Variants in FOXJ3 observed in about 807,000 individuals in gnomAD.
FOXJ3 encodes forkhead box protein J3.
In FOXJ3, 22 loss-of-function variants were observed where a neutral mutation model predicts 76.1. That is an observed-to-expected ratio of 0.29 (90% CI 0.21 to 0.41). FOXJ3 has a LOEUF of 0.41. FOXJ3 is among the 10% of genes least tolerant of loss of function. FOXJ3 has a pLI of 1.00. For synonymous variants in FOXJ3, 269 were observed against 261.2 expected, an observed-to-expected ratio of 1.03 and a Z score of -0.29; for missense variants, 613 against 762.1, an observed-to-expected ratio of 0.80 and a Z score of 2.30.
intron 1 of FOXJ3, 102 bp from the exon 2 acceptor site, chr1:42,311,212 ATG>A: frequency 2.8e-6 from 2 of 725,406 alleles, no homozygotes; most frequent in Non-Finnish European, 4.5e-6. Context: ...CAGAAGTAGA[ATG>A]TTCTACTAAA....
intron 4 of FOXJ3, among the ~76,000 whole-genome samples, chr1:42,231,652 C>A (rs1254091326): frequency 3.3e-5 from 5 of 152,064 alleles, no homozygotes; most frequent in Non-Finnish European, 7.4e-5. Flanking sequence ...ATTTTACCAC[C>A]AAAAAGTACC....
intron 4 of FOXJ3, among the ~76,000 whole-genome samples, chr1:42,236,594 A>G (rs1648653434): frequency 1.3e-5 from 2 of 152,238 alleles, no homozygotes; most frequent in African/African-American, 4.8e-5. Flanking sequence ...ACAACTGTAT[A>G]CCTTCATGTA....
chr1:42,212,889 C>G (rs1412332543), intron 5 of FOXJ3, among the ~76,000 whole-genome samples: 1 of 148,094 alleles, frequency 6.8e-6, no homozygotes, highest in Non-Finnish European at 1.5e-5. Flanking sequence ...ACCTTACAAG[C>G]CAGAGGGCTT....
At chr1:42,263,728 G>T (rs531871186) in intron 4 of FOXJ3, among the ~76,000 whole-genome samples, 3 of 151,770 alleles carry the variant, frequency 2.0e-5, no homozygotes, top group Non-Finnish European at 4.4e-5. Flanking sequence ...CTAACTTCAA[G>T]AAGTTAACAG....
intron 1 of FOXJ3, among the ~76,000 whole-genome samples, chr1:42,314,831 A>G (rs1655014830): frequency 6.6e-6 from 1 of 152,244 alleles, no homozygotes; most frequent in Non-Finnish European, 1.5e-5. Context: ...GAGAATTTAA[A>G]TGTTCCTACA....
chr1:42,231,033 G>C (rs1648048357), intron 4 of FOXJ3, among the ~76,000 whole-genome samples: 1 of 152,100 alleles, frequency 6.6e-6, no homozygotes, highest in Admixed American at 6.5e-5. Context: ...GGGATATTCT[G>C]GCCAGGCGCC....
chr1:42,296,720 T>C (rs1167550426), intron 2 of FOXJ3, among the ~76,000 whole-genome samples: 2 of 152,240 alleles, frequency 1.3e-5, no homozygotes, highest in Non-Finnish European at 2.9e-5. Context: ...CCTTGTAGTA[T>C]AATTTGAAGT....
rs145988046 is a variant in FOXJ3 at position 42,307,798 on chromosome 1, T to C, written c.44+3252A>G. On this transcript the variant is annotated intron_variant, in intron 2 of 12. Coordinates refer to ENST00000361346, the MANE Select transcript of FOXJ3 (RefSeq NM_014947.5). ...CTTTTTCTAATTCACATATAATATC[T>C]ACTGGTATAAAAAAGGCAAGTTCTG... Among the ~76,000 whole-genome samples, 434 of 152,324 alleles carry C rather than the reference T, an allele frequency of 2.8e-3. 6 individuals carry two copies. Among genetic ancestry groups the C allele is most frequent in the East Asian group, 8.7e-3 (45 of 5,186 alleles).
chr1:42,207,997 G>A (rs1046902375), intron 5 of FOXJ3, among the ~76,000 whole-genome samples: 1 of 152,198 alleles, frequency 6.6e-6, no homozygotes, highest in African/African-American at 2.4e-5. Context: ...ATCTCAGTCT[G>A]AACTATTGGT....
At chr1:42,200,786 A>C (rs1476380408) in intron 6 of FOXJ3, among the ~76,000 whole-genome samples, 16 of 152,106 alleles carry the variant, frequency 1.1e-4, no homozygotes, top group African/African-American at 4.8e-5. Flanking sequence ...CCTGGCCTTC[A>C]ATATTTCCTT....
chr1:42,278,736 A>G (rs1241343003), intron 2 of FOXJ3, 64 bp from the exon 3 acceptor site: 2 of 1,186,074 alleles, frequency 1.7e-6, no homozygotes, highest in East Asian at 2.3e-5. Context: ...AAAATATCCA[A>G]TATTCACAAA....
intron 5 of FOXJ3, among the ~76,000 whole-genome samples, chr1:42,221,895 T>G (rs1184220943): frequency 7.4e-6 from 1 of 135,676 alleles, no homozygotes; most frequent in Non-Finnish European, 1.6e-5. Context: ...AGAGAACTGC[T>G]TGAGCCCAGG....
intron 2 of FOXJ3, among the ~76,000 whole-genome samples, chr1:42,301,408 G>A (rs1384247240): frequency 6.6e-6 from 1 of 151,906 alleles, no homozygotes; most frequent in Non-Finnish European, 1.5e-5. Flanking sequence ...CACCATGTTG[G>A]CCAGGCTGGT....
rs1338446620 is a variant in FOXJ3 at position 42,191,442 on chromosome 1, T to C, written c.1212A>G (p.Pro404=). 1.9e-6 allele frequency: 3 copies of C among 1,612,974 alleles called. No homozygotes were observed. The highest frequency in any genetic ancestry group is 2.5e-6 in the Non-Finnish European group (3 of 1,179,296). The part of the protein sequence containing the change: ...PQRSPHPAPH[P]QQHSQLQSPH... ...GGGACTGGAGCTGGCTGTGTTGCTG[T>C]GGGTGTGGTGCTGGGTGTGGGGAAC... Residue 404 remains proline (P), a synonymous_variant, in exon 9 of 13, where the codon CCA becomes CCG. Coordinates refer to ENST00000361346, the MANE Select transcript of FOXJ3 (RefSeq NM_014947.5).
chr1:42,254,795 C>G (rs958923554), intron 4 of FOXJ3, among the ~76,000 whole-genome samples: 4 of 142,106 alleles, frequency 2.8e-5, no homozygotes, highest in African/African-American at 8.3e-5. Context: ...AGGGGAACAT[C>G]ACACTCTGGG....
intron 4 of FOXJ3, among the ~76,000 whole-genome samples, chr1:42,237,254 A>G (rs1361247320): frequency 6.6e-6 from 1 of 151,926 alleles, no homozygotes; most frequent in Non-Finnish European, 1.5e-5. Context: ...AGGCACCTGT[A>G]GTCCCAGCTA....
At chr1:42,223,576 G>A (rs954257061) in intron 5 of FOXJ3, among the ~76,000 whole-genome samples, 2 of 152,068 alleles carry the variant, frequency 1.3e-5, no homozygotes, top group African/African-American at 4.8e-5. Flanking sequence ...CTCCACTTTC[G>A]CACCAAAATT....
At chr1:42,224,085 C>T (rs1211359733) in intron 5 of FOXJ3, among the ~76,000 whole-genome samples, 1 of 152,178 alleles carries the variant, frequency 6.6e-6, no homozygotes, top group Non-Finnish European at 1.5e-5. Flanking sequence ...TAGCCTCTTA[C>T]TTATAGCTGA....
At chr1:42,284,778 CTTT>C (rs1307083377) in intron 2 of FOXJ3, among the ~76,000 whole-genome samples, 1 of 152,186 alleles carries the variant, frequency 6.6e-6, no homozygotes, top group Non-Finnish European at 1.5e-5. Flanking sequence ...AAAATATCTT[CTTT>C]ATTTCCACTA....
Sources: allele counts gnomAD v4.1 joint callset (sites outside exome capture counted in the v4.1 genomes callset), GRCh38; gene constraint gnomAD v4.1.1; transcripts MANE v1.5; gene names NCBI Gene and HGNC (gene_info 2026-07-23, HGNC 2026-07-21).